MAPK8: variants seen among roughly 807,000 people sequenced by gnomAD.
MAPK8 encodes the protein JUN N-terminal kinase.
MAPK8 carries 13 observed loss-of-function variants against 52.9 expected under a neutral mutation model. The observed-to-expected ratio is 0.25, with a 90% confidence interval of 0.16 to 0.39. The LOEUF is 0.39. MAPK8 is among the 10% of genes least tolerant of loss of function. MAPK8 has a pLI of 1.00. For missense variants in MAPK8, 300 were observed against 519.2 expected, an observed-to-expected ratio of 0.58 and a Z score of 4.10; for synonymous variants, 191 against 169.8, an observed-to-expected ratio of 1.12 and a Z score of -0.97.
chr10:48,407,015 T>C (rs1283803845), intron 3 of MAPK8, among the ~76,000 whole-genome samples: 1 of 152,228 alleles, frequency 6.6e-6, no homozygotes, highest in South Asian at 2.1e-4. Flanking sequence ...CCAGTCTTTA[T>C]ATTTTTTCTT....
chr10:48,423,973 CT>C (rs1206221200), intron 6 of MAPK8, 114 bp from the exon 7 acceptor site: 30 of 604,532 alleles, frequency 5.0e-5, no homozygotes, highest in African/African-American at 5.6e-5. Flanking sequence ...GTTACAATCA[CT>C]TTTTTTCTTT....
At position 48,355,075 on chromosome 10, in the gene MAPK8, GAAGT is replaced by G. The variant is rs542303639; in HGVS notation, c.-49-46532_-49-46529del. On this transcript the variant is annotated intron_variant, in intron 1 of 11. Transcript: ENST00000374189. ...ATAGGAATAGGCAGCTACAGAATAT[GAAGT>G]AAGTGTTTCATATGTTTCAACAAAA... 3.8e-3 allele frequency among the ~76,000 whole-genome samples: 583 copies of G among 152,326 alleles called. 2 individuals carry two copies. Among genetic ancestry groups the G allele is most frequent in the Middle Eastern group, 0.01 (3 of 294 alleles).
At chr10:48,409,550 T>C (rs538818818) in intron 3 of MAPK8, among the ~76,000 whole-genome samples, 4 of 152,142 alleles carry the variant, frequency 2.6e-5, no homozygotes, top group Admixed American at 2.6e-4. Context: ...AGATACTGAA[T>C]TGGAAAAGAA....
intron 1 of MAPK8, among the ~76,000 whole-genome samples, chr10:48,344,024 T>G (rs1845538186): frequency 6.6e-6 from 1 of 152,182 alleles, no homozygotes; most frequent in African/African-American, 2.4e-5. Context: ...CCTCTACTGC[T>G]TACCCCGTGA....
chr10:48,363,762 G>A (rs1267026856), intron 1 of MAPK8, among the ~76,000 whole-genome samples: 1 of 152,138 alleles, frequency 6.6e-6, no homozygotes, highest in Non-Finnish European at 1.5e-5. Context: ...TGCTTTGCTT[G>A]TAGTTTCTAC....
intron 11 of MAPK8, among the ~76,000 whole-genome samples, chr10:48,433,136 A>G (rs1040430148): frequency 1.3e-5 from 2 of 152,204 alleles, no homozygotes; most frequent in African/African-American, 4.8e-5. Flanking sequence ...AAGATTTTCC[A>G]TATTATTACC....
Position 48,435,462 on chromosome 10 carries a change from G to T in MAPK8, c.*433G>T, listed in dbSNP as rs1379228283. 2 of 151,420 alleles carry T rather than the reference G, an allele frequency of 1.3e-5. No homozygotes were observed. The highest frequency in any genetic ancestry group is 2.4e-5 in the African/African-American group (1 of 40,962). The allele number at this position is 151,420 out of a possible 1,614,324, so 9.4% of individuals were successfully genotyped here. A position where few individuals can be genotyped will look rare whatever the true frequency, so the allele number is the denominator to read the frequency against. ...AATTTATTTCAGATGTTTTGTTCAT[G>T]ATACTATCCTTCAGGGTTATGTGCT... On this transcript the variant is annotated 3_prime_UTR_variant, in exon 12 of 12. Transcript: ENST00000374189.
intron 1 of MAPK8, among the ~76,000 whole-genome samples, chr10:48,322,313 T>G (rs1038797333): frequency 2.1e-5 from 1 of 46,796 alleles, no homozygotes; most frequent in African/African-American, 2.2e-4. Context: ...TCTTTCATGA[T>G]TTAAAAAAAA....
At chr10:48,401,895 A>G in intron 2 of MAPK8, 113 bp downstream of exon 2, 2 of 900,578 alleles carry the variant, frequency 2.2e-6, no homozygotes, top group Non-Finnish European at 3.1e-6. Flanking sequence ...ATTAAATTAA[A>G]ACTAAAAATT....
chr10:48,364,439 A>T lies in MAPK8; in HGVS notation c.-49-37173A>T, dbSNP rs560656414. On this transcript the variant is annotated intron_variant, in intron 1 of 11. Coordinates refer to ENST00000374189, the MANE Select transcript of MAPK8 (RefSeq NM_001323329.2). The stretch of plus-strand genomic sequence containing the variant: ...CTGTTGATATTGCCTGAAAAAATTT[A>T]AAAAAAAAAACTGAATTCTTTAGAA... Among the ~76,000 whole-genome samples the T allele has an allele frequency of 2.6e-3, 378 of 144,940 alleles. 1 individual carries two copies. Among genetic ancestry groups the T allele is most frequent in the African/African-American group, 8.8e-3 (350 of 39,716 alleles).
intron 1 of MAPK8, among the ~76,000 whole-genome samples, chr10:48,332,892 C>G (rs1417139925): frequency 1.3e-5 from 2 of 152,090 alleles, no homozygotes. Flanking sequence ...CCTTTTTGGC[C>G]TTCAAGGAGC....
At chr10:48,313,654 A>T (rs1171167287) in intron 1 of MAPK8, among the ~76,000 whole-genome samples, 1 of 152,360 alleles carries the variant, frequency 6.6e-6, no homozygotes, top group Middle Eastern at 3.4e-3. Flanking sequence ...GGTGTCATAC[A>T]TATATACAGT....
intron 1 of MAPK8, among the ~76,000 whole-genome samples, chr10:48,358,081 T>TTTCTTCAAACTAGGCATGCA (rs1847153609): frequency 6.6e-6 from 1 of 152,250 alleles, no homozygotes; most frequent in East Asian, 1.9e-4. Flanking sequence ...AACCTTTGGA[T>TTTCTTCAAACTAGGCATGCA]GTTGCTACCT....
chr10:48,396,510 T>TA (rs1378200698), intron 1 of MAPK8, among the ~76,000 whole-genome samples: 1 of 152,172 alleles, frequency 6.6e-6, no homozygotes, highest in Non-Finnish European at 1.5e-5. Flanking sequence ...TGCAAAATGA[T>TA]ACAGCACTCT....
chr10:48,364,188 G>C (rs1847822299), intron 1 of MAPK8, among the ~76,000 whole-genome samples: 2 of 152,160 alleles, frequency 1.3e-5, no homozygotes, highest in Admixed American at 1.3e-4. Context: ...GGGCAGTGGA[G>C]GGAAATACCA....
chr10:48,398,601 G>A (rs2042006562), intron 1 of MAPK8, among the ~76,000 whole-genome samples: 1 of 152,058 alleles, frequency 6.6e-6, no homozygotes, highest in African/African-American at 2.4e-5. Flanking sequence ...GATGAATGAA[G>A]AAAAAGTGAA....
chr10:48,308,621 A>G (rs1451970937), intron 1 of MAPK8, among the ~76,000 whole-genome samples: 2 of 152,188 alleles, frequency 1.3e-5, no homozygotes. Context: ...ATCCACACAC[A>G]GGCACTCATA....
intron 1 of MAPK8, among the ~76,000 whole-genome samples, chr10:48,307,650 A>C (rs1351000832): frequency 6.6e-6 from 1 of 152,198 alleles, no homozygotes; most frequent in Non-Finnish European, 1.5e-5. Context: ...TTTACTGCGA[A>C]TTTAATAACA....
intron 1 of MAPK8, among the ~76,000 whole-genome samples, chr10:48,400,846 GA>G (rs1450670133): frequency 3.3e-5 from 5 of 152,072 alleles, no homozygotes; most frequent in African/African-American, 1.2e-4. Flanking sequence ...CACATGGGTA[GA>G]AAAAAAGTGT....
Sources: allele counts gnomAD v4.1 joint callset (sites outside exome capture counted in the v4.1 genomes callset), GRCh38; gene constraint gnomAD v4.1.1; transcripts MANE v1.5; gene names NCBI Gene and HGNC (gene_info 2026-07-23, HGNC 2026-07-21).